Variants in ABHD2 observed in about 807,000 individuals in gnomAD.
ABHD2 encodes the protein abhydrolase domain containing 2, acylglycerol lipase, also known as monoacylglycerol lipase ABHD2.
Under a neutral mutation model 48.1 loss-of-function variants are expected in ABHD2, and 20 were observed. That is an observed-to-expected ratio of 0.42 (90% confidence interval 0.29 to 0.60). The LOEUF is 0.60. Ranked by LOEUF, ABHD2 falls within the 20% of genes least tolerant of loss-of-function variation. The probability of loss-of-function intolerance (pLI) is 0.24; values close to 1 mark genes in which losing one functional copy is unlikely to be tolerated. For missense variants in ABHD2, 405 were observed against 550.9 expected (o/e 0.74, Z 2.65); for synonymous variants, 209 against 214.2 (o/e 0.98, Z 0.21).
intron 1 of ABHD2, among the ~76,000 whole-genome samples, chr15:89,107,834 G>C (rs924340228): frequency 6.6e-6 from 1 of 152,150 alleles, no homozygotes; most frequent in African/African-American, 2.4e-5. Context: ...AAAGCTTGTT[G>C]TGCTAGGTCC....
chr15:89,117,110 CCA>C (rs1491287432), intron 3 of ABHD2, among the ~76,000 whole-genome samples: 6 of 152,212 alleles, frequency 3.9e-5, no homozygotes, highest in African/African-American at 1.4e-4. Context: ...ACTGCAACCT[CCA>C]CCTCCCGGGT....
rs1253006524 is a variant in ABHD2 at position 89,195,639 on chromosome 15, GT to G, written c.*218del. 9.4e-5 allele frequency: 47 copies of G among 498,648 alleles called. No homozygotes were observed. Among genetic ancestry groups the G allele is most frequent in the Non-Finnish European group, 1.4e-4 (41 of 283,434 alleles). 30.9% of individuals were successfully genotyped at this position (498,648 alleles called of 1,614,324 possible). On this transcript the variant is annotated 3_prime_UTR_variant, in exon 11 of 11. Transcript: ENST00000352732. The surrounding 1 kb of genome is among the most constrained non-coding windows in gnomAD (Gnocchi z 5.1). ...AGTTACTGGTTTTCTCCATTGCATT[GT>G]TAGGCATGGTGACAAGTGACAGAGT...
intron 5 of ABHD2, among the ~76,000 whole-genome samples, chr15:89,157,118 T>C (rs1289044957): frequency 6.6e-6 from 1 of 152,250 alleles, no homozygotes; most frequent in Non-Finnish European, 1.5e-5. Context: ...TACTCTGTTA[T>C]AGTTTATTTA....
In ABHD2 at chr15:89,172,250, A is replaced by G. The variant is rs75861351; in HGVS notation, c.539-3562A>G. On this transcript the variant is annotated intron_variant, in intron 5 of 10. Transcript: ENST00000352732. ...TGCAGCCAATCTCCAGAATTTTTTC[A>G]TCTTGCAAAACTAAAACTATACCCA... Among the ~76,000 whole-genome samples, 1,521 of 152,272 alleles carry G rather than the reference A, an allele frequency of 1.0e-2. 75 individuals carry two copies. Among genetic ancestry groups the G allele is most frequent in the Admixed American group, 0.084 (1,281 of 15,296 alleles).
intron 3 of ABHD2, chr15:89,135,448 A>G: frequency 1.5e-6 from 1 of 680,132 alleles, no homozygotes; most frequent in South Asian, 1.8e-5. Flanking sequence ...CAAATCTTAC[A>G]CAGCCTTACA....
intron 6 of ABHD2, among the ~76,000 whole-genome samples, chr15:89,180,097 G>A (rs975675248): frequency 2.0e-5 from 3 of 152,180 alleles, no homozygotes; most frequent in African/African-American, 7.2e-5. Flanking sequence ...GTAACTTTGT[G>A]CCATCAGTAA....
chr15:89,044,644 C>G, the ABHD2 span, among the ~76,000 whole-genome samples: 11 of 151,574 alleles, frequency 7.3e-5, no homozygotes, highest in Non-Finnish European at 1.5e-4. Context: ...TTGCATTTCT[C>G]TGATGGCCAG....
In ABHD2 at chr15:89,146,916, A is replaced by G. The variant is rs1039403272; in HGVS notation, c.195-4761A>G. Among the ~76,000 whole-genome samples, 3 of 152,224 alleles carry G rather than the reference A, an allele frequency of 2.0e-5. No homozygotes were observed. The highest frequency in any genetic ancestry group is 7.2e-5 in the African/African-American group (3 of 41,468). On this transcript the variant is annotated intron_variant, in intron 3 of 10. Transcript: ENST00000352732. The surrounding 1 kb of genome is among the most constrained non-coding windows in gnomAD (Gnocchi z 4.2). ...AAAATCTAAAATTTTTATAGAACTA[A>G]ACAAGCTAATCCTATAATTAATCTG...
the ABHD2 span, among the ~76,000 whole-genome samples, chr15:89,062,370 G>A: frequency 3.3e-4 from 50 of 151,688 alleles, no homozygotes; most frequent in Non-Finnish European, 4.4e-5. Context: ...GTGGGGGGGT[G>A]GGTTTTTGTT....
At chr15:89,073,786 A>T in the ABHD2 span, among the ~76,000 whole-genome samples, 1 of 152,210 alleles carries the variant, frequency 6.6e-6, no homozygotes, top group African/African-American at 2.4e-5. Context: ...TGTGGATCAC[A>T]CTGAGTAGCA....
the ABHD2 span, among the ~76,000 whole-genome samples, chr15:89,053,869 A>G: frequency 2.1e-3 from 318 of 152,304 alleles, 2 homozygotes; most frequent in East Asian, 0.019. Flanking sequence ...CATTTTCCCA[A>G]TTAAGGTGCC....
chr15:89,057,153 A>G, the ABHD2 span, among the ~76,000 whole-genome samples: 1 of 152,086 alleles, frequency 6.6e-6, no homozygotes, highest in Non-Finnish European at 1.5e-5. Context: ...ACCTCAGGTG[A>G]TCCGCCTGCG....
the ABHD2 span, among the ~76,000 whole-genome samples, chr15:89,076,210 AT>A: frequency 6.6e-6 from 1 of 152,162 alleles, no homozygotes; most frequent in Non-Finnish European, 1.5e-5. Flanking sequence ...AAAACTTCTT[AT>A]TTCACAAAAT....
At chr15:89,178,009 C>T (rs1026674070) in intron 6 of ABHD2, among the ~76,000 whole-genome samples, 2 of 152,200 alleles carry the variant, frequency 1.3e-5, no homozygotes, top group Non-Finnish European at 2.9e-5. Flanking sequence ...AGCTAGAAAA[C>T]TAAAATCTGT....
chr15:89,067,330 A>T, the ABHD2 span, among the ~76,000 whole-genome samples: 1 of 152,378 alleles, frequency 6.6e-6, no homozygotes, highest in South Asian at 2.1e-4. Flanking sequence ...TTTGAAGCAT[A>T]TGGAACATGT....
chr15:89,051,184 G>C, the ABHD2 span, among the ~76,000 whole-genome samples: 1 of 152,186 alleles, frequency 6.6e-6, no homozygotes, highest in Non-Finnish European at 1.5e-5. Flanking sequence ...AGTGAGCCAA[G>C]ATCATGCCAC....
chr15:89,153,506 T>C (rs539746010), intron 4 of ABHD2, among the ~76,000 whole-genome samples: 6 of 152,368 alleles, frequency 3.9e-5, no homozygotes, highest in Middle Eastern at 3.4e-3. Context: ...CCATCTGCTC[T>C]TCCTACCAGG....
the ABHD2 span, among the ~76,000 whole-genome samples, chr15:89,050,508 A>G: frequency 6.6e-6 from 1 of 152,184 alleles, no homozygotes; most frequent in Non-Finnish European, 1.5e-5. Context: ...GTAAAACACA[A>G]AGTTAAACTT....
At position 89,185,453 on chromosome 15, in the gene ABHD2, A is replaced by G. The variant is rs2051190702; in HGVS notation, c.752A>G (p.Gln251Arg). 1 of 1,614,182 alleles carries G rather than the reference A, an allele frequency of 6.2e-7. No homozygotes were observed. The highest frequency in any genetic ancestry group is 8.5e-7 in the Non-Finnish European group (1 of 1,180,026). The change falls in exon 7 of 11, where the codon CAG becomes CGG. Residue 251 changes from glutamine to arginine, a missense_variant. Coordinates refer to ENST00000352732, the MANE Select transcript of ABHD2 (RefSeq NM_152924.5). This position sits in a 1 kb window ranked among gnomAD's most constrained non-coding sequence, Gnocchi z 5.9. ...RAQETFMQWD[Q>R]CRRFYNFLMA... ...CAGGAAACCTTCATGCAATGGGATC[A>G]GTGCCGGCGGTTCTACAACTTCCTC... is the stretch of plus-strand genomic sequence containing the variant.
Sources: allele counts gnomAD v4.1 joint callset (sites outside exome capture counted in the v4.1 genomes callset), GRCh38; gene constraint gnomAD v4.1.1; non-coding constraint Gnocchi (gnomAD v3.1); transcripts MANE v1.5; gene names NCBI Gene and HGNC (gene_info 2026-07-23, HGNC 2026-07-21).